ZNF536: variants seen among roughly 807,000 people sequenced by gnomAD.
ZNF536 encodes the protein zinc finger protein 536.
Under a neutral mutation model 84.5 loss-of-function variants are expected in ZNF536, and 13 were observed. That is an observed-to-expected ratio of 0.15 (90% CI 0.10 to 0.24). The LOEUF (loss-of-function observed/expected upper bound fraction) is 0.24, where lower values mean the gene tolerates loss of function less well. Among genes scored for constraint, ZNF536 ranks in the 10% least tolerant of loss-of-function variants. ZNF536 has a pLI of 1.00. For missense variants in ZNF536, 1,536 were observed against 1,747.5 expected, an observed-to-expected ratio of 0.88 and a Z score of 2.16; for synonymous variants, 811 against 742.5, an observed-to-expected ratio of 1.09 and a Z score of -1.50.
At chr19:30,331,985 G>A (rs1198791771) in intron 2 of ZNF536, among the ~76,000 whole-genome samples, 4 of 152,002 alleles carry the variant, frequency 2.6e-5, no homozygotes, top group African/African-American at 9.7e-5. Flanking sequence ...CTTCAGTCCC[G>A]GGTGAACTCA....
exon 2 of ZNF536, chr19:30,713,301 TG>T (rs1215647966): frequency 6.6e-6 from 1 of 152,224 alleles, no homozygotes; most frequent in Non-Finnish European, 1.5e-5. Flanking sequence ...GTTTTTTCCC[TG>T]TAACTTCTGT....
chr19:30,696,285 C>T (rs565918291), intron 1 of ZNF536, among the ~76,000 whole-genome samples: 91 of 152,260 alleles, frequency 6.0e-4, no homozygotes, highest in African/African-American at 1.4e-3. Context: ...CCAGCCCCTC[C>T]GCTCCCGGCT....
intron 3 of ZNF536, among the ~76,000 whole-genome samples, chr19:30,540,938 C>T (rs751272723): frequency 1.3e-5 from 2 of 152,240 alleles, no homozygotes; most frequent in South Asian, 4.1e-4. Context: ...CTTGGCCCCA[C>T]GTGCTTGGGT....
At chr19:30,709,082 C>T (rs766768518) in intron 1 of ZNF536, among the ~76,000 whole-genome samples, 13 of 152,076 alleles carry the variant, frequency 8.5e-5, no homozygotes, top group Non-Finnish European at 1.3e-4. Context: ...GAATAACTTC[C>T]CCAGCCAGAT....
chr19:30,694,204 A>C (rs1333944357), intron 1 of ZNF536, among the ~76,000 whole-genome samples: 1 of 152,194 alleles, frequency 6.6e-6, no homozygotes, highest in Non-Finnish European at 1.5e-5. Context: ...CCAAGTTCCA[A>C]TATTGGCCCC....
At chr19:30,629,523 C>T (rs995656493) in intron 1 of ZNF536, among the ~76,000 whole-genome samples, 9 of 152,218 alleles carry the variant, frequency 5.9e-5, no homozygotes, top group African/African-American at 1.7e-4. Flanking sequence ...ATTCTTGCAA[C>T]GGTGCAACGA....
At chr19:30,256,502 C>G (rs376161657) in intron 1 of ZNF536, among the ~76,000 whole-genome samples, 1 of 152,158 alleles carries the variant, frequency 6.6e-6, no homozygotes, top group African/African-American at 2.4e-5. Flanking sequence ...GAGTAATTAT[C>G]TAATTTACAT....
chr19:30,492,450 G>A (rs555077855), intron 2 of ZNF536, among the ~76,000 whole-genome samples: 33 of 152,210 alleles, frequency 2.2e-4, no homozygotes, highest in Admixed American at 3.3e-4. Context: ...AAAGAATTGG[G>A]TTAAAGCTGA....
In ZNF536 at chr19:30,443,644, G is replaced by A. The variant is rs923928856; in HGVS notation, c.82G>A (p.Gly28Ser). The change falls in exon 2 of 5, where the codon GGC (glycine) becomes AGC (serine). Residue 28 changes from glycine (G) to serine (S), a missense_variant. Around this residue, in one of 8 missense-constraint regions of ZNF536, gnomAD observed 161 missense variants for 178.5 expected, o/e 0.90. Transcript: ENST00000355537. ...CCACCTGAGTGGCCCCGTCCTCAAC[G>A]GCCAGTATGCCATGAGTCAGAAGCT... ...EPHLSGPVLN[G>S]QYAMSQKLHQ... 6.2e-7 allele frequency: 1 copy of A among 1,613,062 alleles called. No homozygotes were observed. Among genetic ancestry groups the A allele is most frequent in the East Asian group, 2.2e-5 (1 of 44,862 alleles).
intron 3 of ZNF536, among the ~76,000 whole-genome samples, chr19:30,536,456 G>A (rs923211437): frequency 3.3e-5 from 5 of 152,052 alleles, no homozygotes; most frequent in East Asian, 3.9e-4. Flanking sequence ...GGGCTCCATC[G>A]CTTATTTGTC....
At chr19:30,517,199 C>T (rs1338388985) in intron 2 of ZNF536, among the ~76,000 whole-genome samples, 3 of 152,190 alleles carry the variant, frequency 2.0e-5, no homozygotes, top group Non-Finnish European at 4.4e-5. Context: ...TGTTTCTCTC[C>T]CTCTTCCTCT....
chr19:30,567,319 G>A (rs1028982942), intron 1 of ZNF536, among the ~76,000 whole-genome samples: 10 of 152,156 alleles, frequency 6.6e-5, no homozygotes, highest in African/African-American at 2.4e-4. Context: ...GCACTGGGTA[G>A]GGACCAGGTG....
chr19:30,537,917 A>G (rs150003388), intron 3 of ZNF536, among the ~76,000 whole-genome samples: 111 of 152,360 alleles, frequency 7.3e-4, no homozygotes, highest in African/African-American at 2.3e-3. Context: ...AATGGTAACC[A>G]GATAAAGATC....
rs1194431539 is a variant in ZNF536, at chr19:30,548,423, A to G, written c.2804A>G (p.Asp935Gly). ...FVLSSLKKEK[D>G]MKDKALADPP... Reference sequence around the variant, plus strand: ...CTCAGTTCCTTGAAGAAGGAGAAGGACATGAAGGACAAAGCCCTGGCTGAC... The same window carrying G: ...CTCAGTTCCTTGAAGAAGGAGAAGGGCATGAAGGACAAAGCCCTGGCTGAC... Residue 935 changes from aspartate (D) to glycine (G), a missense_variant, in exon 4 of 5, where the codon GAC becomes GGC. Asp to Gly is a moderately conservative substitution (Grantham distance 94). Around this residue, in one of 8 missense-constraint regions of ZNF536, gnomAD observed 624 missense variants for 603.1 expected, o/e 1.03. Transcript: ENST00000355537. The G allele has an allele frequency of 1.9e-6, 3 of 1,614,194 alleles. No homozygotes were observed. The highest frequency in any genetic ancestry group is 1.6e-4 in the Middle Eastern group (1 of 6,062).
At chr19:30,521,511 A>G (rs962560140) in intron 2 of ZNF536, among the ~76,000 whole-genome samples, 6 of 152,296 alleles carry the variant, frequency 3.9e-5, no homozygotes, top group Admixed American at 6.5e-5. Context: ...CTGTGATCAC[A>G]AGAAAAACAA....
At chr19:30,304,316 G>C (rs1044416608) in intron 2 of ZNF536, among the ~76,000 whole-genome samples, 1 of 152,342 alleles carries the variant, frequency 6.6e-6, no homozygotes, top group Non-Finnish European at 1.5e-5. Flanking sequence ...CGAACCATTG[G>C]AGCCGGGCTC....
rs756915340 is a variant in ZNF536, at chr19:30,433,067, G to T, written c.-2-10494G>T. Among the ~76,000 whole-genome samples, 10 of 152,162 alleles carry T rather than the reference G, an allele frequency of 6.6e-5. No homozygotes were observed. The South Asian group carries it at 1.0e-3, about 16-fold the overall frequency. ...CAGATTGACTTTCAAGTCTGCACCA[G>T]CCCATGCCTCTGCCCTATCTCCTCT... On this transcript the variant is annotated intron_variant, in intron 1 of 4. Coordinates refer to ENST00000355537, the MANE Select transcript of ZNF536 (RefSeq NM_014717.3).
At chr19:30,679,735 G>T (rs562625329) in intron 1 of ZNF536, among the ~76,000 whole-genome samples, 5 of 152,322 alleles carry the variant, frequency 3.3e-5, no homozygotes, top group African/African-American at 9.6e-5. Context: ...GAGCCTCTGA[G>T]GGTCTGGAAT....
rs117915315 is a variant in ZNF536, at chr19:30,564,855, A to G, written c.169+15341A>G. Among the ~76,000 whole-genome samples the G allele has an allele frequency of 4.8e-3, 725 of 152,286 alleles. 3 individuals carry two copies. Among genetic ancestry groups the G allele is most frequent in the Non-Finnish European group, 7.9e-3 (538 of 68,022 alleles). On this transcript the variant is annotated intron_variant, in intron 1 of 1. Transcript: ENST00000592773. Reference sequence around the variant, plus strand: ...TGGAAGTAATGTGAGTTATGACTCCAAGGATTGGAAACGGGGAGATGCTCC... The same window carrying G: ...TGGAAGTAATGTGAGTTATGACTCCGAGGATTGGAAACGGGGAGATGCTCC...
Sources: gnomAD v4.1 joint callset for allele counts (sites outside exome capture counted in the v4.1 genomes callset) on GRCh38, gnomAD v4.1.1 for gene constraint, gnomAD v4.1.1 regional missense constraint, MANE v1.5 for transcripts, NCBI Gene and HGNC (gene_info 2026-07-23, HGNC 2026-07-21) for gene names.